Variants in DYNC2I1 observed in about 807,000 individuals in gnomAD.
The protein encoded by DYNC2I1 is dynein 2 intermediate chain 1.
A neutral mutation model predicts 133.4 loss-of-function variants in DYNC2I1; 89 were observed. The observed-to-expected ratio is 0.67, with a 90% confidence interval of 0.56 to 0.80. The LOEUF (loss-of-function observed/expected upper bound fraction) is 0.80, where lower values mean the gene tolerates loss of function less well. DYNC2I1 is among the 30% of genes least tolerant of loss of function. DYNC2I1 has a pLI of 0.00. For missense variants in DYNC2I1, 1,291 were observed against 1,314.5 expected (o/e 0.98, Z 0.28); for synonymous variants, 504 against 484.3 (o/e 1.04, Z -0.54).
chr7:158,955,988 G>C (rs1216606732), intron 4 of DYNC2I1, among the ~76,000 whole-genome samples: 1 of 152,242 alleles, frequency 6.6e-6, no homozygotes, highest in Non-Finnish European at 1.5e-5. Flanking sequence ...CAGATTTTCT[G>C]TAATATTGGA....
intron 1 of DYNC2I1, among the ~76,000 whole-genome samples, chr7:158,858,754 AGT>A (rs1841560647): frequency 6.6e-6 from 1 of 151,138 alleles, no homozygotes; most frequent in Non-Finnish European, 1.5e-5. Flanking sequence ...TCTTGGATCA[AGT>A]GTCTCCCTCT....
chr7:158,947,001 C>T (rs1355519084), downstream of DYNC2I1, among the ~76,000 whole-genome samples: 1 of 152,198 alleles, frequency 6.6e-6, no homozygotes, highest in Non-Finnish European at 1.5e-5. Flanking sequence ...TCTCCAGCCA[C>T]CCGAGCAACC....
At chr7:158,923,783 G>T in intron 17 of DYNC2I1, 50 bp downstream of exon 17, 6 of 1,575,158 alleles carry the variant, frequency 3.8e-6, no homozygotes, top group Non-Finnish European at 5.2e-6. Flanking sequence ...AAGCCACACG[G>T]ATTTGAGGAA....
rs142575049 is a variant in DYNC2I1 at position 158,937,657 on chromosome 7, G to A, written c.2778+3108G>A. On this transcript the variant is annotated intron_variant, in intron 23 of 24. Transcript: ENST00000407559. Reference sequence around the variant, plus strand: ...AAAAGACACAAGGCTGGGTGCAGTGGCCCATGCCTGTAATCCCAGCATTTG... The same window carrying A: ...AAAAGACACAAGGCTGGGTGCAGTGACCCATGCCTGTAATCCCAGCATTTG... Among the ~76,000 whole-genome samples the A allele has an allele frequency of 5.2e-3, 736 of 140,810 alleles. 3 individuals carry two copies. The highest frequency in any genetic ancestry group is 8.3e-3 in the Non-Finnish European group (538 of 65,082). The allele number at this position is 140,810 out of a possible 152,430, so 92.4% of individuals were successfully genotyped here.
chr7:158,857,170 G>A (rs1333028398), intron 1 of DYNC2I1, among the ~76,000 whole-genome samples: 1 of 152,200 alleles, frequency 6.6e-6, no homozygotes, highest in Non-Finnish European at 1.5e-5. Flanking sequence ...TGCAGCCTGG[G>A]TGCTTGAGTT....
chr7:158,947,843 C>A (rs1224009013), downstream of DYNC2I1, among the ~76,000 whole-genome samples: 1 of 152,252 alleles, frequency 6.6e-6, no homozygotes, highest in Non-Finnish European at 1.5e-5. Context: ...CTCGGAAGCA[C>A]CTGTGGCCAT....
chr7:158,918,650 G>T (rs1848716960), intron 14 of DYNC2I1, 90 bp from the exon 15 acceptor site: 6 of 1,483,474 alleles, frequency 4.0e-6, no homozygotes, highest in Non-Finnish European at 5.6e-6. Flanking sequence ...GTTATTTGCA[G>T]ATATGGATAA....
intron 7 of DYNC2I1, 36 bp downstream of exon 7, chr7:158,887,111 T>C (rs2129480808): frequency 3.8e-6 from 6 of 1,596,702 alleles, no homozygotes; most frequent in Non-Finnish European, 4.3e-6. Flanking sequence ...ATTGATTTTA[T>C]GGTACATTGA....
intron 15 of DYNC2I1, among the ~76,000 whole-genome samples, chr7:158,921,912 C>T (rs530869983): frequency 1.3e-5 from 2 of 152,300 alleles, no homozygotes; most frequent in South Asian, 2.1e-4. Context: ...TGCAGTCCCT[C>T]GCCGGGTGGA....
rs1848111931 is a variant in DYNC2I1, at chr7:158,915,689, ACGC to A, written c.1791+1369_1791+1371del. Among the ~76,000 whole-genome samples the A allele has an allele frequency of 6.7e-5, 10 of 149,146 alleles. 1 individual carries two copies. Among genetic ancestry groups the A allele is most frequent in the Non-Finnish European group, 1.5e-4 (10 of 67,158 alleles). On this transcript the variant is annotated intron_variant, in intron 14 of 24. Transcript: ENST00000407559. ...TTAAGGATGATTGTGAAACGTCGAC[ACGC>A]TGGTTGACATTAAGGATGATTGTGA...
rs965500665 is a variant in DYNC2I1, at chr7:158,923,718, G to A, written c.2242G>A (p.Ala748Thr). 3.1e-6 allele frequency: 5 copies of A among 1,610,338 alleles called. No individual in the cohort carries two copies. The highest frequency in any genetic ancestry group is 1.3e-5 in the African/African-American group (1 of 74,812). ...CGATGGCTTCTGGACGTTCCGGACCGCCACGTTTTCCACCGGTCAGTGTCA... is the reference window on the plus strand; with the variant it reads ...CGATGGCTTCTGGACGTTCCGGACCACCACGTTTTCCACCGGTCAGTGTCA... ...LSDGFWTFRT[A>T]TFSTDGILTS... Residue 748 changes from alanine to threonine, a missense_variant, in exon 17 of 25, where the codon GCC becomes ACC. By Grantham distance (58) the Ala-to-Thr change is moderately conservative. Transcript: ENST00000407559.
intron 1 of DYNC2I1, among the ~76,000 whole-genome samples, chr7:158,868,696 G>A (rs1285521300): frequency 1.3e-5 from 2 of 152,196 alleles, no homozygotes; most frequent in Admixed American, 1.3e-4. Context: ...GTGATAGGGT[G>A]TCCTCAGGGA....
chr7:158,869,483 T>G (rs75511460), intron 1 of DYNC2I1: 2 of 473,338 alleles, frequency 4.2e-6, no homozygotes, highest in Non-Finnish European at 8.8e-6. Flanking sequence ...GTGCACAGCA[T>G]TTGGGACGTG....
At chr7:158,875,091 C>CT (rs35170585) in intron 3 of DYNC2I1, among the ~76,000 whole-genome samples, 22,518 of 110,522 alleles carry the variant, frequency 0.2, 2,724 homozygotes, top group African/African-American at 0.25. Context: ...TGGTAAATGC[C>CT]TTTTTTTTTT....
rs77569355 is a variant in DYNC2I1, at chr7:158,931,244, A to G, written c.2546+729A>G. Among the ~76,000 whole-genome samples, 1,079 of 152,290 alleles carry G rather than the reference A, an allele frequency of 7.1e-3. 60 individuals are homozygous for G. In the East Asian group the frequency reaches 0.13, roughly 18 times the overall value. Reference sequence around the variant, plus strand: ...TACAAATATTATTTGTGGTATTTATATGTTTTATGTTAATTTATTTCCTAA... The same window carrying G: ...TACAAATATTATTTGTGGTATTTATGTGTTTTATGTTAATTTATTTCCTAA... On this transcript the variant is annotated intron_variant, in intron 21 of 24. Coordinates refer to ENST00000407559, the MANE Select transcript of DYNC2I1 (RefSeq NM_018051.5).
At chr7:158,895,887 T>C (rs1285781508) in intron 8 of DYNC2I1, among the ~76,000 whole-genome samples, 1 of 152,218 alleles carries the variant, frequency 6.6e-6, no homozygotes, top group African/African-American at 2.4e-5. Flanking sequence ...GGTGCTAATA[T>C]AAGTAATAAT....
chr7:158,841,729 C>T, the DYNC2I1 span, among the ~76,000 whole-genome samples: 1 of 152,172 alleles, frequency 6.6e-6, no homozygotes, highest in South Asian at 2.1e-4. Flanking sequence ...TGGTGGAGCA[C>T]AGTGAAAAAG....
intron 23 of DYNC2I1, among the ~76,000 whole-genome samples, chr7:158,936,926 A>C (rs1850816603): frequency 1.3e-5 from 2 of 152,214 alleles, no homozygotes; most frequent in Non-Finnish European, 2.9e-5. Flanking sequence ...TAAAAACCAA[A>C]ACAAGCTGGA....
intron 11 of DYNC2I1, among the ~76,000 whole-genome samples, chr7:158,910,339 A>G (rs1847283757): frequency 6.7e-6 from 1 of 148,820 alleles, no homozygotes; most frequent in Non-Finnish European, 1.5e-5. Flanking sequence ...CTGTGGGTGG[A>G]GCATGATGGG....
Sources: gnomAD v4.1 joint callset for allele counts (sites outside exome capture counted in the v4.1 genomes callset) on GRCh38, gnomAD v4.1.1 for gene constraint, MANE v1.5 for transcripts, NCBI Gene and HGNC (gene_info 2026-07-23, HGNC 2026-07-21) for gene names.